Variants in KCNC2 observed in about 807,000 individuals in gnomAD.
KCNC2 encodes the protein voltage-gated potassium channel KCNC2.
A neutral mutation model predicts 44.5 loss-of-function variants in KCNC2; 21 were observed. The ratio of observed to expected loss-of-function variants is 0.47; its 90% CI spans 0.33 to 0.68. KCNC2 has a LOEUF of 0.68. KCNC2 is among the 30% of genes least tolerant of loss of function. KCNC2 has a pLI of 0.01. For missense variants in KCNC2, 589 were observed against 826.2 expected (o/e 0.71, Z 3.52); for synonymous variants, 391 against 339.1 (o/e 1.15, Z -1.68).
At chr12:75,065,979 A>G (rs1350476247) in intron 2 of KCNC2, among the ~76,000 whole-genome samples, 2 of 152,164 alleles carry the variant, frequency 1.3e-5, no homozygotes, top group Non-Finnish European at 2.9e-5. Context: ...GTACCACTAA[A>G]AAAATGTAAA....
At position 75,138,866 on chromosome 12, in the gene KCNC2, A is replaced by G. The variant is rs575741283; in HGVS notation, c.687+68431T>C. Among the ~76,000 whole-genome samples the G allele has an allele frequency of 2.6e-5, 4 of 151,752 alleles. No homozygotes were observed. The South Asian group carries it at 8.3e-4, about 32-fold the overall frequency. Reference sequence around the variant, plus strand: ...CGTGGTGGCGGACGCCTGTAGTCCCAGCTACTCGGGAGGCTGAGTCAGGAG... The same window carrying G: ...CGTGGTGGCGGACGCCTGTAGTCCCGGCTACTCGGGAGGCTGAGTCAGGAG... On this transcript the variant is annotated intron_variant, in intron 2 of 4. Coordinates refer to ENST00000549446, the MANE Select transcript of KCNC2 (RefSeq NM_139137.4).
chr12:75,079,862 C>A (rs895276109), intron 2 of KCNC2, among the ~76,000 whole-genome samples: 1 of 152,040 alleles, frequency 6.6e-6, no homozygotes, highest in African/African-American at 2.4e-5. Flanking sequence ...CTCTTTGGTA[C>A]CAAAACATTA....
chr12:75,151,557 A>G lies in KCNC2; in HGVS notation c.687+55740T>C, dbSNP rs77067028. Among the ~76,000 whole-genome samples the G allele has an allele frequency of 9.8e-3, 1,485 of 152,084 alleles. 20 individuals carry two copies. The highest frequency in any genetic ancestry group is 0.034 in the African/African-American group (1,405 of 41,554). ...CAACCTGAATAAAAACCAAGTCATCATAAATGAGAACCAGAAGAATGAAGA... is the reference window on the plus strand; with the variant it reads ...CAACCTGAATAAAAACCAAGTCATCGTAAATGAGAACCAGAAGAATGAAGA... On this transcript the variant is annotated intron_variant, in intron 2 of 4. Coordinates refer to ENST00000549446, the MANE Select transcript of KCNC2 (RefSeq NM_139137.4).
At chr12:75,206,080 G>T (rs1261121359) in intron 2 of KCNC2, among the ~76,000 whole-genome samples, 1 of 152,140 alleles carries the variant, frequency 6.6e-6, no homozygotes, top group African/African-American at 2.4e-5. Context: ...GACTTCCAAA[G>T]TGTTATCAGT....
chr12:75,156,274 T>C (rs796166737), intron 2 of KCNC2, among the ~76,000 whole-genome samples: 22 of 151,810 alleles, frequency 1.4e-4, no homozygotes, highest in African/African-American at 4.6e-4. Context: ...AATTTGTAGA[T>C]AAGAATTATG....
At chr12:75,061,555 T>C (rs577201675) in intron 2 of KCNC2, among the ~76,000 whole-genome samples, 1 of 137,582 alleles carries the variant, frequency 7.3e-6, no homozygotes, top group Non-Finnish European at 1.6e-5. Flanking sequence ...CTGAGAAATA[T>C]AAGTGACAAG....
chr12:75,086,931 G>C (rs886712381), intron 2 of KCNC2, among the ~76,000 whole-genome samples: 7 of 151,656 alleles, frequency 4.6e-5, no homozygotes, highest in Non-Finnish European at 8.8e-5. Flanking sequence ...AGCACTTTTT[G>C]ACTCACTTCA....
At chr12:75,141,761 C>T (rs1889670554) in intron 2 of KCNC2, among the ~76,000 whole-genome samples, 1 of 152,078 alleles carries the variant, frequency 6.6e-6, no homozygotes, top group Non-Finnish European at 1.5e-5. Flanking sequence ...GAGAGAAGAA[C>T]AATACTCTTT....
intron 2 of KCNC2, among the ~76,000 whole-genome samples, chr12:75,196,188 A>C (rs1471358270): frequency 6.6e-6 from 1 of 152,114 alleles, no homozygotes; most frequent in Non-Finnish European, 1.5e-5. Context: ...AATAGACTAC[A>C]AGTGTGTTAA....
chr12:75,095,889 G>A (rs77046250), intron 2 of KCNC2, among the ~76,000 whole-genome samples: 4,170 of 151,714 alleles, frequency 0.027, 209 homozygotes, highest in African/African-American at 0.094. Context: ...AATTTCATTA[G>A]AGAATAATGT....
At chr12:75,043,490 A>G in intron 4 of KCNC2, 1 of 1,280,032 alleles carries the variant, frequency 7.8e-7, no homozygotes, top group Non-Finnish European at 1.0e-6. Flanking sequence ...TTCCCAGATT[A>G]TAGTTAGCAT....
At chr12:75,166,514 T>C (rs1185918925) in intron 2 of KCNC2, among the ~76,000 whole-genome samples, 1 of 151,154 alleles carries the variant, frequency 6.6e-6, no homozygotes, top group African/African-American at 2.4e-5. Context: ...AATACACATT[T>C]GTGTCAAATG....
At chr12:75,204,086 ACT>A (rs1410639385) in intron 2 of KCNC2, among the ~76,000 whole-genome samples, 1 of 151,742 alleles carries the variant, frequency 6.6e-6, no homozygotes, top group African/African-American at 2.4e-5. Context: ...AACAAAATAA[ACT>A]CTCATTTTTT....
intron 2 of KCNC2, among the ~76,000 whole-genome samples, chr12:75,137,526 AAAT>A (rs1441445185): frequency 6.6e-6 from 1 of 152,236 alleles, no homozygotes; most frequent in African/African-American, 2.4e-5. Context: ...TGGTTAAAAG[AAAT>A]AATGACATAA....
At chr12:75,155,070 C>T (rs12321121) in intron 2 of KCNC2, among the ~76,000 whole-genome samples, 68 of 151,426 alleles carry the variant, frequency 4.5e-4, no homozygotes, top group African/African-American at 1.6e-3. Context: ...CACAGAAATA[C>T]AGGGAAAATA....
intron 2 of KCNC2, among the ~76,000 whole-genome samples, chr12:75,088,028 AC>A (rs1165931729): frequency 1.3e-5 from 2 of 152,006 alleles, no homozygotes; most frequent in Non-Finnish European, 2.9e-5. Context: ...TGAGGGATAG[AC>A]TTTTTGTCTG....
intron 2 of KCNC2, among the ~76,000 whole-genome samples, chr12:75,158,442 A>G (rs1170077067): frequency 6.6e-6 from 1 of 151,864 alleles, no homozygotes; most frequent in Non-Finnish European, 1.5e-5. Flanking sequence ...AAACAGCTGC[A>G]CCTTTTTAGT....
chr12:75,049,946 T>A (rs1285432162), intron 3 of KCNC2, among the ~76,000 whole-genome samples: 2 of 152,044 alleles, frequency 1.3e-5, no homozygotes, highest in African/African-American at 2.4e-5. Context: ...CTGCTTCTTG[T>A]GAATTAGGTT....
chr12:75,202,221 C>T (rs978872309), intron 2 of KCNC2, among the ~76,000 whole-genome samples: 1 of 151,788 alleles, frequency 6.6e-6, no homozygotes, highest in African/African-American at 2.4e-5. Context: ...GAGATCATAC[C>T]TAATCTATCC....
Sources: allele counts gnomAD v4.1 joint callset (sites outside exome capture counted in the v4.1 genomes callset), GRCh38; gene constraint gnomAD v4.1.1; transcripts MANE v1.5; gene names NCBI Gene and HGNC (gene_info 2026-07-23, HGNC 2026-07-21).